CORO2B: variants seen among roughly 807,000 people sequenced by gnomAD.
The protein encoded by CORO2B is coronin-2B.
In CORO2B, 26 loss-of-function variants were observed where a neutral mutation model predicts 58.8. The ratio of observed to expected loss-of-function variants is 0.44; its 90% confidence interval spans 0.32 to 0.61. The LOEUF (loss-of-function observed/expected upper bound fraction) is 0.61, where lower values mean the gene tolerates loss of function less well. Among genes scored for constraint, CORO2B ranks in the 20% least tolerant of loss-of-function variants. The probability of loss-of-function intolerance (pLI) is 0.04; values close to 1 mark genes in which losing one functional copy is unlikely to be tolerated. For missense variants in CORO2B, 460 were observed against 645.1 expected (o/e 0.71, Z 3.11); for synonymous variants, 242 against 253.8 (o/e 0.95, Z 0.44).
intron 3 of CORO2B, among the ~76,000 whole-genome samples, chr15:68,699,430 G>T (rs943365210): frequency 2.0e-5 from 3 of 152,158 alleles, no homozygotes; most frequent in African/African-American, 7.2e-5. Flanking sequence ...GATACAGGTA[G>T]ATCAGTGGAG....
At chr15:68,679,666 G>A (rs866793797) in intron 2 of CORO2B, among the ~76,000 whole-genome samples, 13 of 152,290 alleles carry the variant, frequency 8.5e-5, no homozygotes, top group African/African-American at 2.6e-4. Flanking sequence ...AGTCATTAGC[G>A]TGAGCTGAGC....
chr15:68,581,941 C>T (rs1261292407), intron 1 of CORO2B, among the ~76,000 whole-genome samples: 2 of 152,162 alleles, frequency 1.3e-5, no homozygotes, highest in African/African-American at 4.8e-5. Flanking sequence ...CAGGTCCCCT[C>T]AGGGCAGAGT....
rs373365424 is a variant in CORO2B at position 68,643,535 on chromosome 15, G to A, written c.16-1625G>A. On this transcript the variant is annotated intron_variant, in intron 1 of 11. Coordinates refer to ENST00000261861, the MANE Select transcript of CORO2B (RefSeq NM_006091.5). ...CAAAGGCAGGGAAGTAGGGAGGAGC[G>A]GAGAGCAGGGAGACTGGCCCTGTGG... is the stretch of plus-strand genomic sequence containing the variant. 2.0e-4 allele frequency among the ~76,000 whole-genome samples: 30 copies of A among 152,194 alleles called. 1 individual carries two copies. Among genetic ancestry groups the A allele is most frequent in the African/African-American group, 1.4e-4 (6 of 41,434 alleles).
chr15:68,558,601 C>T, the CORO2B span, among the ~76,000 whole-genome samples: 2 of 152,114 alleles, frequency 1.3e-5, no homozygotes, highest in Non-Finnish European at 2.9e-5. Context: ...GTTTCAAATT[C>T]CTGGGCTCAA....
rs552889537 is a variant in CORO2B, at chr15:68,584,855, A to T, written c.15+5578A>T. Among the ~76,000 whole-genome samples the T allele has an allele frequency of 2.0e-5, 3 of 151,896 alleles. No individual in the cohort carries two copies. In the East Asian group the frequency reaches 5.8e-4, roughly 30 times the overall value. Reference sequence around the variant, plus strand: ...GGCATGGGGCAGGCCTTGCCAGGGAAGGACAGATGCAAATCCAGTGGCTTC... The same window carrying T: ...GGCATGGGGCAGGCCTTGCCAGGGATGGACAGATGCAAATCCAGTGGCTTC... On this transcript the variant is annotated intron_variant, in intron 1 of 11. Coordinates refer to ENST00000261861, the MANE Select transcript of CORO2B (RefSeq NM_006091.5).
chr15:68,527,690 A>G, the CORO2B span, among the ~76,000 whole-genome samples: 1 of 152,208 alleles, frequency 6.6e-6, no homozygotes, highest in African/African-American at 2.4e-5. Flanking sequence ...CTTGACAATT[A>G]CTTTTAAAAG....
chr15:68,619,264 A>C (rs1252406407), intron 1 of CORO2B, among the ~76,000 whole-genome samples: 1 of 152,192 alleles, frequency 6.6e-6, no homozygotes, highest in Non-Finnish European at 1.5e-5. Context: ...GCCTTGCCTT[A>C]GATCACCTAC....
chr15:68,608,330 G>GC (rs1195794342), intron 1 of CORO2B, among the ~76,000 whole-genome samples: 2 of 152,218 alleles, frequency 1.3e-5, no homozygotes, highest in Non-Finnish European at 2.9e-5. Context: ...CAGTTTCCAG[G>GC]CCTCCTGGGA....
In CORO2B at chr15:68,587,981, T is replaced by G. The variant is rs138094356; in HGVS notation, c.15+8704T>G. On this transcript the variant is annotated intron_variant, in intron 1 of 11. Transcript: ENST00000261861. The stretch of plus-strand genomic sequence containing the variant: ...GCCTCTGCTCCTTACTGTGTGACCT[T>G]GGGCTAGTCCCTGGATGTCTCTGAG... 4.5e-3 allele frequency among the ~76,000 whole-genome samples: 690 copies of G among 152,334 alleles called. 9 individuals carry two copies. Among genetic ancestry groups the G allele is most frequent in the African/African-American group, 0.016 (652 of 41,570 alleles).
At chr15:68,709,914 A>C (rs1892875691) in intron 3 of CORO2B, among the ~76,000 whole-genome samples, 1 of 152,106 alleles carries the variant, frequency 6.6e-6, no homozygotes, top group African/African-American at 2.4e-5. Context: ...TTGATTAAAT[A>C]GTTGAAGCTA....
chr15:68,535,135 C>A, the CORO2B span, among the ~76,000 whole-genome samples: 1 of 152,280 alleles, frequency 6.6e-6, no homozygotes, highest in Non-Finnish European at 1.5e-5. Flanking sequence ...AGGCACCTCA[C>A]CTTTTGCCCA....
intron 1 of CORO2B, among the ~76,000 whole-genome samples, chr15:68,606,644 G>T (rs1164429714): frequency 6.6e-6 from 1 of 152,198 alleles, no homozygotes; most frequent in African/African-American, 2.4e-5. Flanking sequence ...ATACAGTTTG[G>T]ATACAGAAAC....
intron 3 of CORO2B, among the ~76,000 whole-genome samples, chr15:68,698,218 C>G (rs1892559879): frequency 6.6e-6 from 1 of 152,222 alleles, no homozygotes; most frequent in South Asian, 2.1e-4. Context: ...GCCAAGCTTC[C>G]TCATCACAGA....
intron 3 of CORO2B, among the ~76,000 whole-genome samples, chr15:68,709,156 A>AT (rs1472043084): frequency 1.3e-5 from 2 of 152,050 alleles, no homozygotes; most frequent in African/African-American, 4.8e-5. Flanking sequence ...ATGCATGGAG[A>AT]TTTTTTGCTT....
intron 2 of CORO2B, among the ~76,000 whole-genome samples, chr15:68,687,876 A>G (rs1445277130): frequency 1.3e-5 from 2 of 152,218 alleles, no homozygotes; most frequent in East Asian, 1.9e-4. Flanking sequence ...CAAGATAAAG[A>G]CATTAATCCA....
chr15:68,694,169 C>T (rs1892454258), intron 2 of CORO2B, among the ~76,000 whole-genome samples: 1 of 151,904 alleles, frequency 6.6e-6, no homozygotes, highest in African/African-American at 2.4e-5. Flanking sequence ...GCACAGAATG[C>T]TGTGAGAGCA....
At chr15:68,545,105 G>A in the CORO2B span, among the ~76,000 whole-genome samples, 20 of 152,196 alleles carry the variant, frequency 1.3e-4, no homozygotes, top group Non-Finnish European at 2.5e-4. Flanking sequence ...GGTGGGAATC[G>A]GTGTCCATAG....
chr15:68,715,831 C>A (rs1893019577), intron 8 of CORO2B, among the ~76,000 whole-genome samples: 1 of 152,220 alleles, frequency 6.6e-6, no homozygotes, highest in South Asian at 2.1e-4. Flanking sequence ...GTGAGTGAGA[C>A]CCCACATTCT....
At chr15:68,634,485 A>G (rs1254741201) in intron 1 of CORO2B, among the ~76,000 whole-genome samples, 1 of 152,192 alleles carries the variant, frequency 6.6e-6, no homozygotes, top group Non-Finnish European at 1.5e-5. Context: ...AATATGAATT[A>G]TATCCATTTT....
Sources: gnomAD v4.1 joint callset for allele counts (sites outside exome capture counted in the v4.1 genomes callset) on GRCh38, gnomAD v4.1.1 for gene constraint, MANE v1.5 for transcripts, NCBI Gene and HGNC (gene_info 2026-07-23, HGNC 2026-07-21) for gene names.